RASSF6: variants seen among roughly 807,000 people sequenced by gnomAD.
The protein encoded by RASSF6 is Ras association domain family member 6.
A neutral mutation model predicts 44.0 loss-of-function variants in RASSF6; 52 were observed. That is an observed-to-expected ratio of 1.18 (90% CI 0.95 to 1.49). The LOEUF is 1.49. Among genes scored for constraint, RASSF6 ranks in the 40% most tolerant of loss-of-function variants. RASSF6 has a pLI of 0.00. For synonymous variants in RASSF6, 162 were observed against 124.6 expected (o/e 1.30, Z -2.00); for missense variants, 464 against 393.3 (o/e 1.18, Z -1.52).
chr4:73,592,460 C>G (rs897384557), intron 4 of RASSF6, among the ~76,000 whole-genome samples: 3 of 151,696 alleles, frequency 2.0e-5, no homozygotes, highest in African/African-American at 7.3e-5. Flanking sequence ...GAGGTAAGGA[C>G]TAAAAAGGAA....
rs1354296258 is a variant in RASSF6, at chr4:73,574,321, CCTT to C, written c.*1911_*1913del. On this transcript the variant is annotated 3_prime_UTR_variant, in exon 11 of 11. Coordinates refer to ENST00000307439, the MANE Select transcript of RASSF6 (RefSeq NM_177532.5). ...AGTGCCTCGAACAGAACCCGTGACTCCTTCTTTGTGCTTACCCTTTGGCAAAGC... is the reference window on the plus strand; with the variant it reads ...AGTGCCTCGAACAGAACCCGTGACTCCTTTGTGCTTACCCTTTGGCAAAGC... 2.6e-5 allele frequency: 4 copies of C among 152,546 alleles called. No homozygotes were observed. Among genetic ancestry groups the C allele is most frequent in the Middle Eastern group, 3.1e-3 (1 of 318 alleles). 9.4% of individuals were successfully genotyped at this position (152,546 alleles called of 1,614,324 possible).
intron 1 of RASSF6, 40 bp from the exon 2 acceptor site, chr4:73,611,869 G>A: frequency 7.6e-7 from 1 of 1,315,292 alleles, no homozygotes; most frequent in Non-Finnish European, 1.1e-6. Context: ...TTCCTATAAT[G>A]CATTAAAAAA....
At chr4:73,595,979 T>C (rs1008888811) in intron 3 of RASSF6, among the ~76,000 whole-genome samples, 8 of 152,200 alleles carry the variant, frequency 5.3e-5, no homozygotes, top group Non-Finnish European at 1.0e-4. Flanking sequence ...AAAATTCTAA[T>C]GTCCCCTTTG....
chr4:73,598,699 A>G lies in RASSF6; in HGVS notation c.85T>C (p.Leu29=). 1 of 1,424,158 alleles carries G rather than the reference A, an allele frequency of 7.0e-7. No homozygotes were observed. Among genetic ancestry groups the G allele is most frequent in the Non-Finnish European group, 9.6e-7 (1 of 1,044,464 alleles). 88.2% of individuals were successfully genotyped at this position (1,424,158 alleles called of 1,614,324 possible). ...TCATAAAAAATGTTATAGGTCTTCA[A>G]TAAAGAATTAAGTTGTTCCCTAAAA... ...FITREQLNSL[L]KTYNIFYENQ... Residue 29 remains leucine (L), a synonymous_variant, in exon 3 of 11, where the codon TTG becomes CTG. Transcript: ENST00000307439.
intron 2 of RASSF6, 110 bp from the exon 3 acceptor site, chr4:73,598,828 C>A (rs1725104037): frequency 3.9e-6 from 2 of 516,148 alleles, no homozygotes; most frequent in East Asian, 3.6e-5. Flanking sequence ...TTAATGGAAT[C>A]TTTACTGTTC....
upstream of RASSF6, chr4:73,620,523 G>A (rs369232463): frequency 6.7e-6 from 10 of 1,494,916 alleles, no homozygotes; most frequent in African/African-American, 1.4e-4. Context: ...CGCTTGCAGT[G>A]CCCCCGACGC....
At chr4:73,619,649 G>A (rs1470652006) in intron 1 of RASSF6, among the ~76,000 whole-genome samples, 2 of 152,104 alleles carry the variant, frequency 1.3e-5, no homozygotes, top group Admixed American at 1.3e-4. Flanking sequence ...ACTTGAGAGG[G>A]GGCAAACTAA....
chr4:73,585,836 A>ATTTTT (rs1282777208), intron 5 of RASSF6, among the ~76,000 whole-genome samples: 2 of 151,220 alleles, frequency 1.3e-5, no homozygotes, highest in Admixed American at 1.3e-4. Flanking sequence ...TTTTATTTTT[A>ATTTTT]TTTTATTATT....
chr4:73,577,856 T>C (rs189039209), intron 8 of RASSF6, among the ~76,000 whole-genome samples: 3 of 152,332 alleles, frequency 2.0e-5, no homozygotes, highest in East Asian at 3.9e-4. Flanking sequence ...TTCCTAGAGT[T>C]GTCCCCTGAT....
intron 3 of RASSF6, among the ~76,000 whole-genome samples, chr4:73,595,750 T>G (rs1724897257): frequency 1.3e-5 from 2 of 152,176 alleles, no homozygotes; most frequent in Non-Finnish European, 2.9e-5. Context: ...TGAAATAATT[T>G]AAAATTAGGC....
intron 4 of RASSF6, among the ~76,000 whole-genome samples, chr4:73,590,285 A>C (rs764358302): frequency 3.3e-5 from 5 of 152,172 alleles, no homozygotes; most frequent in Non-Finnish European, 5.9e-5. Context: ...TGACAAGACC[A>C]ATGATTCCGT....
At chr4:73,596,082 T>C (rs967766376) in intron 3 of RASSF6, among the ~76,000 whole-genome samples, 1 of 151,736 alleles carries the variant, frequency 6.6e-6, no homozygotes, top group South Asian at 2.1e-4. Context: ...TGAAATTAAA[T>C]AAAAAGAAAA....
chr4:73,595,684 C>T lies in RASSF6; in HGVS notation c.145-2091G>A, dbSNP rs1235382021. ...TCATTTTCCTAGTTTTACTCTTTTC[C>T]TAAATTTTATATTTTTATAATTGTA... is the stretch of plus-strand genomic sequence containing the variant. On this transcript the variant is annotated intron_variant, in intron 3 of 10. Transcript: ENST00000307439. Among the ~76,000 whole-genome samples the T allele has an allele frequency of 2.0e-5, 3 of 148,930 alleles. No homozygotes were observed. In the East Asian group the frequency reaches 5.8e-4, roughly 29 times the overall value.
At chr4:73,608,220 ATTGGATTTTCTCTGAGAACATT>A (rs1316356393) in intron 2 of RASSF6, among the ~76,000 whole-genome samples, 13 of 151,800 alleles carry the variant, frequency 8.6e-5, no homozygotes, top group African/African-American at 2.7e-4. Context: ...ATAGAAAATC[ATTGGATTTTCTCTGAGAACATT>A]TTTAGATTAT....
In RASSF6 at chr4:73,596,069, C is replaced by T. The variant is rs540037232; in HGVS notation, c.145-2476G>A. ...GTGAAGAGACGTGTGGAGAATGAAACACTGAAATTAAATAAAAAGAAAAAA... is the reference window on the plus strand; with the variant it reads ...GTGAAGAGACGTGTGGAGAATGAAATACTGAAATTAAATAAAAAGAAAAAA... On this transcript the variant is annotated intron_variant, in intron 3 of 10. Coordinates refer to ENST00000307439, the MANE Select transcript of RASSF6 (RefSeq NM_177532.5). 5.9e-5 allele frequency among the ~76,000 whole-genome samples: 9 copies of T among 152,130 alleles called. No individual in the cohort carries two copies. In the South Asian group the frequency reaches 6.2e-4, roughly 11 times the overall value.
In RASSF6 at chr4:73,576,486, G is replaced by GA. The variant is rs1283881456; in HGVS notation, c.861dup (p.His288SerfsTer14). On this transcript the variant is annotated frameshift_variant, in exon 10 of 11. Transcript: ENST00000307439. LOFTEE classifies it high-confidence loss of function. Reference sequence around the variant, plus strand: ...AGAATGGATTCCAAGAGAGAAAAGTGAAAGTTAATGTACTGAGCCACCTAA... The same window carrying GA: ...AGAATGGATTCCAAGAGAGAAAAGTGAAAAGTTAATGTACTGAGCCACCTAA... 1 of 1,579,612 alleles carries GA rather than the reference G, an allele frequency of 6.3e-7. No homozygotes were observed. Among genetic ancestry groups the GA allele is most frequent in the South Asian group, 1.2e-5 (1 of 86,058 alleles).
In RASSF6 at chr4:73,620,183, C is replaced by G. The variant is rs145428192; in HGVS notation, c.-35+105G>C. 1.3e-3 allele frequency: 848 copies of G among 641,524 alleles called. 5 individuals are homozygous for G. The highest frequency in any genetic ancestry group is 0.012 in the African/African-American group (617 of 52,100). The allele number at this position is 641,524 out of a possible 1,614,324, so 39.7% of individuals were successfully genotyped here. On this transcript the variant is annotated intron_variant, in intron 1 of 10. Coordinates refer to ENST00000307439, the MANE Select transcript of RASSF6 (RefSeq NM_177532.5). The stretch of plus-strand genomic sequence containing the variant: ...GCGATTCAGGCTGCTATGACACACA[C>G]ACACTTAACTTTGTTGCCTATGGAT...
chr4:73,572,265 T>TC lies in RASSF6; in HGVS notation c.*3969dup, dbSNP rs1291875656. Reference sequence around the variant, plus strand: ...GCTGCTCAGGACATGGCAGTTGACTTCCCCCAGAGCAAGTGGTCCAAGAGA... The same window carrying TC: ...GCTGCTCAGGACATGGCAGTTGACTTCCCCCCAGAGCAAGTGGTCCAAGAGA... On this transcript the variant is annotated 3_prime_UTR_variant, in exon 11 of 11. Coordinates refer to ENST00000307439, the MANE Select transcript of RASSF6 (RefSeq NM_177532.5). The TC allele has an allele frequency of 1.3e-5, 2 of 152,194 alleles. No homozygotes were observed. Among genetic ancestry groups the TC allele is most frequent in the Non-Finnish European group, 2.9e-5 (2 of 67,990 alleles). The allele number at this position is 152,194 out of a possible 1,614,324, so 9.4% of individuals were successfully genotyped here. A position where few individuals can be genotyped will look rare whatever the true frequency, so the allele number is the denominator to read the frequency against.
intron 1 of RASSF6, among the ~76,000 whole-genome samples, chr4:73,618,777 A>C (rs368934796): frequency 2.6e-5 from 4 of 152,222 alleles, no homozygotes; most frequent in African/African-American, 9.6e-5. Context: ...AATGATATTA[A>C]GTTAGAGTAT....
Sources: allele counts gnomAD v4.1 joint callset (sites outside exome capture counted in the v4.1 genomes callset), GRCh38; gene constraint gnomAD v4.1.1; transcripts MANE v1.5; gene names NCBI Gene and HGNC (gene_info 2026-07-23, HGNC 2026-07-21).